Variants in EPS15 observed in about 807,000 individuals in gnomAD.
The protein encoded by EPS15 is epidermal growth factor receptor substrate 15.
Under a neutral mutation model 113.8 loss-of-function variants are expected in EPS15, and 72 were observed. The observed-to-expected ratio is 0.63, with a 90% CI of 0.52 to 0.77. The LOEUF is 0.77. EPS15 is among the 30% of genes least tolerant of loss of function. The probability of loss-of-function intolerance (pLI) is 0.00; values close to 1 mark genes in which losing one functional copy is unlikely to be tolerated. For synonymous variants in EPS15, 344 were observed against 363.4 expected, an observed-to-expected ratio of 0.95 and a Z score of 0.61; for missense variants, 1,048 against 1,045.8, an observed-to-expected ratio of 1.00 and a Z score of -0.03.
chr1:51,497,694 T>C (rs1161006475), intron 1 of EPS15, among the ~76,000 whole-genome samples: 2 of 152,154 alleles, frequency 1.3e-5, no homozygotes, highest in East Asian at 3.8e-4. Flanking sequence ...CTTAAAATTT[T>C]AGTGTGAGGT....
intron 13 of EPS15, among the ~76,000 whole-genome samples, chr1:51,414,338 A>C (rs1193058844): frequency 1.3e-5 from 2 of 152,062 alleles, no homozygotes; most frequent in African/African-American, 4.8e-5. Context: ...ACTTGAACCC[A>C]GGAGGCAGAA....
At chr1:51,383,090 T>C (rs72694158) in intron 21 of EPS15, among the ~76,000 whole-genome samples, 5 of 152,216 alleles carry the variant, frequency 3.3e-5, no homozygotes, top group Non-Finnish European at 7.3e-5. Flanking sequence ...AATCATTCAA[T>C]GTAATACACC....
chr1:51,358,699 G>GTT (rs1181151202), intron 24 of EPS15, among the ~76,000 whole-genome samples: 32 of 129,312 alleles, frequency 2.5e-4, no homozygotes, highest in African/African-American at 4.4e-4. Context: ...AACCAGATTT[G>GTT]TTTTTTTTTG....
chr1:51,406,285 G>A (rs1649122499), intron 15 of EPS15, among the ~76,000 whole-genome samples, 177 bp from the exon 16 acceptor site: 1 of 152,114 alleles, frequency 6.6e-6, no homozygotes. Flanking sequence ...AGACCAGCCT[G>A]AGCAACACGG....
At chr1:51,398,023 TTGAG>T (rs140148972) in intron 20 of EPS15, among the ~76,000 whole-genome samples, 4,845 of 152,284 alleles carry the variant, frequency 0.032, 124 homozygotes, top group Non-Finnish European at 0.05. Flanking sequence ...TTATTCTCCT[TTGAG>T]TATTTCTAAA....
chr1:51,357,435 TTTTA>T (rs1241049567), intron 24 of EPS15, among the ~76,000 whole-genome samples: 7 of 118,690 alleles, frequency 5.9e-5, no homozygotes, highest in African/African-American at 2.5e-4. Context: ...TATTTTTTTT[TTTTA>T]AATGTGATAT....
intron 21 of EPS15, chr1:51,373,014 C>T (rs1413074739): frequency 1.2e-5 from 3 of 249,014 alleles, no homozygotes; most frequent in African/African-American, 2.3e-5. Flanking sequence ...TGAAGATCAA[C>T]GACCAAATGG....
rs1301404170 is a variant in EPS15 at position 51,423,332 on chromosome 1, C to T, written c.1041-1474G>A. The T allele has an allele frequency of 4.9e-6, 6 of 1,233,370 alleles. No individual in the cohort carries two copies. The African/African-American group carries it at 7.7e-5, about 16-fold the overall frequency. 76.4% of individuals were successfully genotyped at this position (1,233,370 alleles called of 1,614,324 possible). On this transcript the variant is annotated intron_variant, in intron 12 of 24. Transcript: ENST00000371733. ...ACCTATTTATCATGCAAAGACCATC[C>T]CCCACCTCCAACCCTTATATAAATT... is the stretch of plus-strand genomic sequence containing the variant.
chr1:51,428,164 G>A (rs988322977), intron 12 of EPS15, among the ~76,000 whole-genome samples: 1 of 151,826 alleles, frequency 6.6e-6, no homozygotes, highest in African/African-American at 2.4e-5. Context: ...AAAAACATGA[G>A]GGAGAAATTA....
intron 12 of EPS15, among the ~76,000 whole-genome samples, chr1:51,431,113 TC>T (rs532169335): frequency 2.2e-3 from 342 of 152,076 alleles, no homozygotes; most frequent in African/African-American, 7.8e-3. Context: ...TCTACTATAT[TC>T]CAAACAAGAT....
intron 1 of EPS15, among the ~76,000 whole-genome samples, chr1:51,497,565 T>G (rs142608988): frequency 7.9e-5 from 12 of 152,318 alleles, no homozygotes; most frequent in African/African-American, 2.2e-4. Context: ...GCAGCTTGAA[T>G]AGGCCCACAC....
chr1:51,420,371 G>A (rs144557175), intron 13 of EPS15, among the ~76,000 whole-genome samples: 1 of 152,118 alleles, frequency 6.6e-6, no homozygotes, highest in African/African-American at 2.4e-5. Flanking sequence ...AAAACCAACA[G>A]GTAGATATAC....
At chr1:51,495,541 A>G (rs1164063921) in intron 1 of EPS15, among the ~76,000 whole-genome samples, 1 of 151,958 alleles carries the variant, frequency 6.6e-6, no homozygotes, top group African/African-American at 2.4e-5. Flanking sequence ...GCCCATACAA[A>G]TTTTTCAAAA....
intron 1 of EPS15, among the ~76,000 whole-genome samples, chr1:51,515,754 C>A (rs972644211): frequency 6.6e-6 from 1 of 152,112 alleles, no homozygotes; most frequent in African/African-American, 2.4e-5. Context: ...TGTAAGGGAG[C>A]GTTGGATAGG....
intron 22 of EPS15, among the ~76,000 whole-genome samples, chr1:51,364,248 T>G (rs754562977): frequency 2.0e-5 from 3 of 152,168 alleles, no homozygotes; most frequent in African/African-American, 2.4e-5. Flanking sequence ...TTATTAAGAT[T>G]AACAGATCAA....
At chr1:51,422,124 T>A in intron 12 of EPS15, 1 of 996,026 alleles carries the variant, frequency 1.0e-6, no homozygotes, top group Non-Finnish European at 1.3e-6. Flanking sequence ...AAATAATCAA[T>A]GAAACACTCA....
chr1:51,404,635 CA>C (rs1648924082), intron 16 of EPS15, among the ~76,000 whole-genome samples: 1 of 152,188 alleles, frequency 6.6e-6, no homozygotes, highest in African/African-American at 2.4e-5. Context: ...TTAATCACGT[CA>C]CTTCTTGCTT....
At chr1:51,432,231 A>C (rs1270293480) in intron 12 of EPS15, among the ~76,000 whole-genome samples, 2 of 152,220 alleles carry the variant, frequency 1.3e-5, no homozygotes, top group African/African-American at 2.4e-5. Context: ...CAGAGCCACA[A>C]AACAGTACAA....
At chr1:51,406,942 A>C (rs1050905197) in intron 15 of EPS15, among the ~76,000 whole-genome samples, 1 of 152,260 alleles carries the variant, frequency 6.6e-6, no homozygotes, top group South Asian at 2.1e-4. Flanking sequence ...TTTAAGGTAT[A>C]TCTTGCATGA....
Sources: gnomAD v4.1 joint callset for allele counts (sites outside exome capture counted in the v4.1 genomes callset) on GRCh38, gnomAD v4.1.1 for gene constraint, MANE v1.5 for transcripts, NCBI Gene and HGNC (gene_info 2026-07-23, HGNC 2026-07-21) for gene names.